Variants in MGAT4C observed in about 807,000 individuals in gnomAD.
The protein encoded by MGAT4C is MGAT4 family member C, also known as alpha-1,3-mannosyl-glycoprotein 4-beta-N-acetylglucosaminyltransferase C.
A neutral mutation model predicts 40.1 loss-of-function variants in MGAT4C; 19 were observed. The ratio of observed to expected loss-of-function variants is 0.47; its 90% CI spans 0.33 to 0.70. The LOEUF is 0.70. MGAT4C is among the 30% of genes least tolerant of loss of function. The pLI, the probability that MGAT4C is intolerant of heterozygous loss-of-function variation, is 0.02. For synonymous variants in MGAT4C, 181 were observed against 187.1 expected, an observed-to-expected ratio of 0.97 and a Z score of 0.27; for missense variants, 491 against 563.2, an observed-to-expected ratio of 0.87 and a Z score of 1.30.
At chr12:86,731,897 C>T (rs1593158673) in intron 1 of MGAT4C, among the ~76,000 whole-genome samples, 1 of 152,020 alleles carries the variant, frequency 6.6e-6, no homozygotes, top group Admixed American at 6.6e-5. Context: ...TACTTTTTTC[C>T]CCCTTCATTC....
At chr12:86,241,967 GA>G (rs1951808010) in intron 1 of MGAT4C, among the ~76,000 whole-genome samples, 1 of 152,070 alleles carries the variant, frequency 6.6e-6, no homozygotes, top group Admixed American at 6.6e-5. Flanking sequence ...GGGAAATTGA[GA>G]AAATACCACT....
At chr12:86,264,584 C>T (rs1952739879) in intron 4 of MGAT4C, among the ~76,000 whole-genome samples, 1 of 152,188 alleles carries the variant, frequency 6.6e-6, no homozygotes, top group Non-Finnish European at 1.5e-5. Context: ...CCAGGTGAAG[C>T]TGCAGCCACC....
At position 85,980,358 on chromosome 12, in the gene MGAT4C, A is replaced by G; in HGVS notation, c.368T>C (p.Ile123Thr). 1 of 1,613,510 alleles carries G rather than the reference A, an allele frequency of 6.2e-7. No individual in the cohort carries two copies. The highest frequency in any genetic ancestry group is 8.5e-7 in the Non-Finnish European group (1 of 1,179,758). Residue 123 changes from isoleucine to threonine, a missense_variant, in exon 5 of 5, where the codon ATT becomes ACT. Transcript: ENST00000611864. The part of the protein sequence containing the change: ...GNYLLETIKS[I>T]FEQSSYEELK... ...CTCTTCATAGCTGGATTGCTCAAAA[A>G]TTGACTTAATTGTCTCAAGTAAATA... is the stretch of plus-strand genomic sequence containing the variant.
intron 1 of MGAT4C, among the ~76,000 whole-genome samples, chr12:86,245,948 C>T (rs1952007063): frequency 6.6e-6 from 1 of 151,936 alleles, no homozygotes. Context: ...AAGTTTACAC[C>T]ATTATACAGT....
rs1212486951 is a variant in MGAT4C, at chr12:86,303,159, A to G, written c.-57+30906T>C. Among the ~76,000 whole-genome samples the G allele has an allele frequency of 2.0e-5, 3 of 150,622 alleles. 1 individual carries two copies. The highest frequency in any genetic ancestry group is 3.9e-4 in the East Asian group (2 of 5,144). On this transcript the variant is annotated intron_variant, in intron 4 of 7. Transcript: ENST00000548651. ...GTGGAGCTAATTTTAGTTTATTGCT[A>G]TAATAAAAATGAAGACAGGAGAACT...
intron 1 of MGAT4C, among the ~76,000 whole-genome samples, chr12:86,771,915 AT>A (rs889571360): frequency 6.6e-6 from 1 of 152,114 alleles, no homozygotes. Context: ...AGCTGATAAG[AT>A]TTGTATTTTT....
Position 86,767,635 on chromosome 12 carries a change from G to A in MGAT4C, c.-261-40394C>T, listed in dbSNP as rs920731842. 1.8e-3 allele frequency among the ~76,000 whole-genome samples: 275 copies of A among 152,194 alleles called. 1 individual carries two copies. Among genetic ancestry groups the A allele is most frequent in the African/African-American group, 6.0e-3 (251 of 41,546 alleles). ...ATCCTCTATAAAATACTGGCAAACC[G>A]AATCCAGCAGCACATCAAAAAGCTT... On this transcript the variant is annotated intron_variant, in intron 1 of 7. Transcript: ENST00000548651.
chr12:86,433,136 AG>A (rs1160349266), intron 3 of MGAT4C, among the ~76,000 whole-genome samples: 1 of 151,982 alleles, frequency 6.6e-6, no homozygotes, highest in Non-Finnish European at 1.5e-5. Flanking sequence ...CAAACTCATC[AG>A]GGGGGCAGAG....
intron 2 of MGAT4C, among the ~76,000 whole-genome samples, chr12:86,446,550 T>G (rs1354211205): frequency 6.6e-6 from 1 of 150,524 alleles, no homozygotes; most frequent in African/African-American, 2.4e-5. Flanking sequence ...GTCTTATTGC[T>G]TTTTTACTCA....
At chr12:86,012,778 A>AACAACAACAACAACCACC (rs1308194133) in intron 2 of MGAT4C, among the ~76,000 whole-genome samples, 5 of 136,452 alleles carry the variant, frequency 3.7e-5, no homozygotes, top group African/African-American at 1.1e-4. Context: ...CAACAACAAC[A>AACAACAACAACAACCACC]ACCACCACCA....
chr12:86,175,795 CAAAAAAAA>C (rs61441239), intron 1 of MGAT4C, among the ~76,000 whole-genome samples: 10 of 83,668 alleles, frequency 1.2e-4, no homozygotes, highest in African/African-American at 1.5e-4. Flanking sequence ...ACTAAAAATA[CAAAAAAAA>C]AAAAAAAAAA....
chr12:86,713,363 C>T (rs902949342), intron 2 of MGAT4C, among the ~76,000 whole-genome samples: 1 of 152,034 alleles, frequency 6.6e-6, no homozygotes. Flanking sequence ...ATTCAACCAA[C>T]AACTATTAGG....
At chr12:86,143,815 A>C (rs1459244167) in intron 1 of MGAT4C, among the ~76,000 whole-genome samples, 3 of 152,212 alleles carry the variant, frequency 2.0e-5, no homozygotes, top group African/African-American at 7.2e-5. Flanking sequence ...ATACTATTTT[A>C]GCAGGTTGTA....
intron 2 of MGAT4C, among the ~76,000 whole-genome samples, chr12:86,686,394 G>A (rs1190485731): frequency 6.6e-6 from 1 of 152,126 alleles, no homozygotes; most frequent in African/African-American, 2.4e-5. Context: ...GTAAGGAAGA[G>A]GGCATCCTTA....
At chr12:86,749,219 C>G (rs1185182635) in intron 1 of MGAT4C, among the ~76,000 whole-genome samples, 1 of 151,656 alleles carries the variant, frequency 6.6e-6, no homozygotes, top group East Asian at 1.9e-4. Flanking sequence ...TTCTTCTAAA[C>G]AATAGATGCA....
intron 2 of MGAT4C, among the ~76,000 whole-genome samples, chr12:86,464,118 A>T (rs1957642480): frequency 6.6e-6 from 1 of 152,106 alleles, no homozygotes; most frequent in African/African-American, 2.4e-5. Context: ...ATACTGTAAG[A>T]TAGTACTTCG....
At chr12:86,180,141 G>T (rs976266388) in intron 1 of MGAT4C, among the ~76,000 whole-genome samples, 3 of 152,202 alleles carry the variant, frequency 2.0e-5, no homozygotes, top group African/African-American at 4.8e-5. Flanking sequence ...TTGGGCTCTG[G>T]GTTTAGAGGG....
intron 2 of MGAT4C, among the ~76,000 whole-genome samples, chr12:86,013,941 T>C (rs1888794261): frequency 6.6e-6 from 1 of 152,196 alleles, no homozygotes; most frequent in Non-Finnish European, 1.5e-5. Flanking sequence ...CCTTCCTGAA[T>C]CCCAGTCTCA....
intron 1 of MGAT4C, among the ~76,000 whole-genome samples, chr12:86,187,717 T>C (rs1398280688): frequency 6.7e-6 from 1 of 148,568 alleles, no homozygotes. Flanking sequence ...ACTACTTGGC[T>C]GTTAGGCATT....
Sources: allele counts gnomAD v4.1 joint callset (sites outside exome capture counted in the v4.1 genomes callset), GRCh38; gene constraint gnomAD v4.1.1; transcripts MANE v1.5; gene names NCBI Gene and HGNC (gene_info 2026-07-23, HGNC 2026-07-21).